The following ZNF544 variants were observed in gnomAD, a reference collection of about 807,000 sequenced individuals.
ZNF544 encodes the protein zinc finger protein 544, also known as zinc finger protein AF020591.
ZNF544 carries 10 observed loss-of-function variants against 13.5 expected under a neutral mutation model. The observed-to-expected ratio is 0.74, with a 90% confidence interval of 0.46 to 1.25. ZNF544 has a LOEUF of 1.25. Ranked by LOEUF, ZNF544 falls within the 50% of genes most tolerant of loss-of-function variation. The pLI is 0.00. For synonymous variants in ZNF544, 323 were observed against 300.5 expected (o/e 1.07, Z -0.77); for missense variants, 896 against 845.6 (o/e 1.06, Z -0.74).
At position 58,260,913 on chromosome 19, in the gene ZNF544, C is replaced by G. The variant is rs201546138; in HGVS notation, c.307C>G (p.Leu103Val). 30 of 1,613,506 alleles carry G rather than the reference C, an allele frequency of 1.9e-5. No individual in the cohort carries two copies. The highest frequency in any genetic ancestry group is 2.5e-5 in the Non-Finnish European group (30 of 1,179,930). The change falls in exon 7 of 7, where the codon CTA (leucine) becomes GTA (valine). Residue 103 changes from leucine (L) to valine (V), a missense_variant. Leu to Val is a conservative substitution (Grantham distance 32). Transcript: ENST00000687789. ...TGAAAAAGATCGAGCTAGGGAAGAA[C>G]TATCCCACCACGTGGAAGTGTACAG... ...NSEKDRAREE[L>V]SHHVEVYRSG...
Position 58,262,699 on chromosome 19 carries a change from G to T in ZNF544, c.2093G>T (p.Arg698Leu), listed in dbSNP as rs199670407. 3.7e-6 allele frequency: 6 copies of T among 1,611,908 alleles called. No homozygotes were observed. The highest frequency in any genetic ancestry group is 5.1e-6 in the Non-Finnish European group (6 of 1,178,468). The change falls in exon 7 of 7, where the codon CGG becomes CTG. Residue 698 changes from arginine to leucine, a missense_variant. By Grantham distance (102) the Arg-to-Leu change is moderately radical (BLOSUM62 -2). Transcript: ENST00000687789. ...TGTAGTGACTGTGGGAAATCCTTCC[G>T]GCAGCAATCTCAACTTGTAGTGCAT... ...YECSDCGKSF[R>L]QQSQLVVHRR...
At chr19:58,274,468 C>G (rs978327224) in intron 5 of ZNF544, among the ~76,000 whole-genome samples, 1 of 152,148 alleles carries the variant, frequency 6.6e-6, no homozygotes, top group Non-Finnish European at 1.5e-5. Context: ...GCCAGCAAAC[C>G]ACCAAAAACT....
chr19:58,277,076 T>G (rs765547060), intron 6 of ZNF544: 2 of 693,174 alleles, frequency 2.9e-6, no homozygotes, highest in Non-Finnish European at 4.0e-6. Context: ...CCTAAGTGAC[T>G]CTGTCTTGGT....
intron 6 of ZNF544, among the ~76,000 whole-genome samples, chr19:58,250,067 G>A (rs1413490343): frequency 6.6e-6 from 1 of 152,224 alleles, no homozygotes; most frequent in African/African-American, 2.4e-5. Flanking sequence ...AAATAAACAA[G>A]TGTAAAGGTT....
rs1568505788 is a variant in ZNF544, at chr19:58,262,829, G to A, written c.*75G>A. 7 of 1,526,176 alleles carry A rather than the reference G, an allele frequency of 4.6e-6. No homozygotes were observed. Among genetic ancestry groups the A allele is most frequent in the Non-Finnish European group, 6.1e-6 (7 of 1,138,872 alleles). The allele number at this position is 1,526,176 out of a possible 1,614,324, so 94.5% of individuals were successfully genotyped here. A position where few individuals can be genotyped will look rare whatever the true frequency, so the allele number is the denominator to read the frequency against. ...TGCACCAGAGGACGCATGTCGGTGG[G>A]AAGAGCTATCAGTGTGACGTGTATT... On this transcript the variant is annotated 3_prime_UTR_variant, in exon 7 of 7. Transcript: ENST00000687789.
At position 58,246,351 on chromosome 19, in the gene ZNF544, G is replaced by A. The variant is rs1412683048; in HGVS notation, c.84G>A (p.Trp28Ter). 2 of 1,613,966 alleles carry A rather than the reference G, an allele frequency of 1.2e-6. No individual in the cohort carries two copies. Among genetic ancestry groups the A allele is most frequent in the Non-Finnish European group, 1.7e-6 (2 of 1,180,016 alleles). The change falls in exon 5 of 7, where the codon TGG becomes TGA. Residue 28 changes from tryptophan (W) to a stop codon, truncating the protein, a stop_gained. Transcript: ENST00000687789. LOFTEE classifies it high-confidence loss of function. ...CTATGGCATTCACACAGGAGGAGTG[G>A]GAACAGCTGGACCTGGCCCAGAGGA... ...DVAMAFTQEE[W>*]EQLDLAQRTL...
At chr19:58,250,456 C>T (rs1175681539) in intron 6 of ZNF544, among the ~76,000 whole-genome samples, 1 of 152,118 alleles carries the variant, frequency 6.6e-6, no homozygotes, top group Admixed American at 6.6e-5. Context: ...GACTGTGTAT[C>T]CTTTGAAGTG....
chr19:58,237,756 A>G (rs1175565488), intron 3 of ZNF544, among the ~76,000 whole-genome samples: 1 of 152,214 alleles, frequency 6.6e-6, no homozygotes, highest in African/African-American at 2.4e-5. Context: ...GACCTGTGCC[A>G]GAAGCCTGGA....
rs555114453 is a variant in ZNF544, at chr19:58,246,313, T to C, written c.46T>C (p.Phe16Leu). 2.5e-6 allele frequency: 4 copies of C among 1,614,078 alleles called. No individual in the cohort carries two copies. The highest frequency in any genetic ancestry group is 1.3e-5 in the African/African-American group (1 of 75,036). The change falls in exon 5 of 7, where the codon TTC becomes CTC. Residue 16 changes from phenylalanine to leucine, a missense_variant. By Grantham distance (22) the Phe-to-Leu change is conservative. Coordinates refer to ENST00000687789, the MANE Select transcript of ZNF544 (RefSeq NM_014480.4). ...MLVPPQASVC[F>L]EDVAMAFTQE... ...TGCCCTGTTTCAGGCATCTGTGTGC[T>C]TCGAGGATGTGGCTATGGCATTCAC... is the stretch of plus-strand genomic sequence containing the variant.
At chr19:58,253,517 C>T (rs1021025447) in intron 6 of ZNF544, among the ~76,000 whole-genome samples, 2 of 152,246 alleles carry the variant, frequency 1.3e-5, no homozygotes, top group Non-Finnish European at 2.9e-5. Flanking sequence ...CAGCTCACTG[C>T]AACCTTCATC....
At chr19:58,241,921 T>TTCTCTCTCTC (rs143693031) in intron 3 of ZNF544, among the ~76,000 whole-genome samples, 1,705 of 149,576 alleles carry the variant, frequency 0.011, 35 homozygotes, top group East Asian at 0.09. Context: ...TGCTGTTCAC[T>TTCTCTCTCTC]TCTCTCTCTC....
At chr19:58,270,991 C>T (rs2050563439) in intron 5 of ZNF544, among the ~76,000 whole-genome samples, 1 of 151,894 alleles carries the variant, frequency 6.6e-6, no homozygotes, top group African/African-American at 2.4e-5. Flanking sequence ...GTGGGTGGAT[C>T]ACCTGAGGTC....
At chr19:58,274,643 C>G (rs1012097560) in intron 5 of ZNF544, among the ~76,000 whole-genome samples, 1 of 152,110 alleles carries the variant, frequency 6.6e-6, no homozygotes, top group African/African-American at 2.4e-5. Context: ...ATGACTAATA[C>G]AACATATTTT....
intron 5 of ZNF544, among the ~76,000 whole-genome samples, chr19:58,273,857 G>A (rs1001273063): frequency 4.0e-5 from 6 of 151,508 alleles, no homozygotes; most frequent in South Asian, 2.1e-4. Flanking sequence ...GTGCAGTGGC[G>A]TGGCCTCAGC....
chr19:58,241,250 G>T (rs1054334152), intron 3 of ZNF544, among the ~76,000 whole-genome samples: 19 of 120,996 alleles, frequency 1.6e-4, no homozygotes, highest in Non-Finnish European at 2.8e-4. Flanking sequence ...GGGCTCAAAC[G>T]ATGCTTCCGC....
chr19:58,241,178 T>TTTAA lies in ZNF544; in HGVS notation c.-59-2787_-59-2786insTTAA, dbSNP rs1568460931. On this transcript the variant is annotated intron_variant, in intron 3 of 6. Transcript: ENST00000687789. ...ATATATTTAAATATATATATATATA[T>TTTAA]ATTTTTTTTTTTTTGTAGAGATAGG... 4.2e-5 allele frequency among the ~76,000 whole-genome samples: 4 copies of TTTAA among 95,694 alleles called. 1 individual carries two copies. Among genetic ancestry groups the TTTAA allele is most frequent in the South Asian group, 6.6e-4 (2 of 3,046 alleles). The allele number at this position is 95,694 out of a possible 152,430, so 62.8% of individuals were successfully genotyped here.
At chr19:58,255,458 T>C (rs565064380) in intron 6 of ZNF544, among the ~76,000 whole-genome samples, 3 of 152,230 alleles carry the variant, frequency 2.0e-5, no homozygotes, top group African/African-American at 7.2e-5. Context: ...AGATTACAGG[T>C]GTGAGCCACT....
chr19:58,261,151 C>G lies in ZNF544; in HGVS notation c.545C>G (p.Thr182Arg), dbSNP rs2048854975. 1.2e-6 allele frequency: 2 copies of G among 1,614,004 alleles called. No individual in the cohort carries two copies. The highest frequency in any genetic ancestry group is 1.7e-5 in the Admixed American group (1 of 60,008). The change falls in exon 7 of 7, where the codon ACA becomes AGA. Residue 182 changes from threonine (T) to arginine (R), a missense_variant. By Grantham distance (71) the Thr-to-Arg change is moderately conservative. Transcript: ENST00000687789. ...SLLPTTLPTS[T>R]GFPKPNSQVK... ...CTACCTACAACATTACCTACAAGTA[C>G]AGGTTTCCCTAAGCCCAACTCACAA... is the stretch of plus-strand genomic sequence containing the variant.
intron 6 of ZNF544, among the ~76,000 whole-genome samples, chr19:58,250,798 A>C (rs2046174870): frequency 6.6e-6 from 1 of 152,160 alleles, no homozygotes; most frequent in East Asian, 1.9e-4. Flanking sequence ...CCAAGGCCAA[A>C]GATTGGGCTG....
Sources: allele counts gnomAD v4.1 joint callset (sites outside exome capture counted in the v4.1 genomes callset), GRCh38; gene constraint gnomAD v4.1.1; transcripts MANE v1.5; gene names NCBI Gene and HGNC (gene_info 2026-07-23, HGNC 2026-07-21).